Variants in KCNT2 observed in about 807,000 individuals in gnomAD.
KCNT2 encodes potassium channel subfamily T member 2.
Under a neutral mutation model 153.8 loss-of-function variants are expected in KCNT2, and 67 were observed. The observed-to-expected ratio is 0.44, with a 90% confidence interval of 0.36 to 0.53. The LOEUF (loss-of-function observed/expected upper bound fraction) is 0.53, where lower values mean the gene tolerates loss of function less well. KCNT2 is among the 20% of genes least tolerant of loss of function. The pLI is 0.00. For missense variants in KCNT2, 975 were observed against 1,354.8 expected (o/e 0.72, Z 4.40); for synonymous variants, 500 against 458.8 (o/e 1.09, Z -1.15).
At chr1:196,422,242 C>T (rs1171985931) in intron 12 of KCNT2, among the ~76,000 whole-genome samples, 3 of 151,944 alleles carry the variant, frequency 2.0e-5, no homozygotes, top group Admixed American at 6.6e-5. Flanking sequence ...AAGAGTATGC[C>T]TATTAAGTGC....
chr1:196,257,554 T>C, intron 26 of KCNT2: 1 of 921,918 alleles, frequency 1.1e-6, no homozygotes, highest in South Asian at 5.0e-5. Context: ...ATTCATACAC[T>C]GATAAATGAT....
chr1:196,329,366 T>C (rs1258035039), intron 18 of KCNT2, among the ~76,000 whole-genome samples: 1 of 152,154 alleles, frequency 6.6e-6, no homozygotes, highest in Non-Finnish European at 1.5e-5. Flanking sequence ...TTCATTAATA[T>C]GGTAAAGAGA....
chr1:196,602,775 T>C (rs949208261), intron 1 of KCNT2, among the ~76,000 whole-genome samples: 1 of 116,820 alleles, frequency 8.6e-6, no homozygotes, highest in Non-Finnish European at 1.8e-5. Context: ...AGTCTATTTT[T>C]TTTTTTTTTT....
At chr1:196,575,246 C>G (rs1010913256) in intron 1 of KCNT2, among the ~76,000 whole-genome samples, 14 of 152,024 alleles carry the variant, frequency 9.2e-5, no homozygotes, top group African/African-American at 3.4e-4. Flanking sequence ...TTAACTACCC[C>G]CTTTTAAATT....
At chr1:196,419,330 C>A (rs1301241336) in intron 12 of KCNT2, among the ~76,000 whole-genome samples, 2 of 95,230 alleles carry the variant, frequency 2.1e-5, no homozygotes, top group Non-Finnish European at 4.1e-5. Flanking sequence ...TCCCCCCTCC[C>A]CCCTCCCCCC....
chr1:196,515,124 G>A (rs1681944169), intron 1 of KCNT2, among the ~76,000 whole-genome samples: 1 of 152,166 alleles, frequency 6.6e-6, no homozygotes, highest in Non-Finnish European at 1.5e-5. Context: ...GATAATGATG[G>A]AAAAGGACTA....
chr1:196,467,813 G>C (rs759857688), intron 6 of KCNT2, 27 bp from the exon 7 acceptor site: 1 of 1,422,538 alleles, frequency 7.0e-7, no homozygotes, highest in Non-Finnish European at 9.9e-7. Context: ...AACAAAACTA[G>C]ACTTTTATCT....
chr1:196,377,723 A>G (rs1414462102), intron 13 of KCNT2, among the ~76,000 whole-genome samples: 1 of 152,072 alleles, frequency 6.6e-6, no homozygotes, highest in Admixed American at 6.6e-5. Context: ...AATCTAATAA[A>G]AAGTATAAAA....
intron 1 of KCNT2, among the ~76,000 whole-genome samples, chr1:196,585,287 T>C (rs1024708336): frequency 1.3e-5 from 2 of 152,114 alleles, no homozygotes; most frequent in African/African-American, 4.8e-5. Context: ...TCCTGTTCTG[T>C]GTCAAACACT....
At chr1:196,540,664 A>G (rs1408649186) in intron 1 of KCNT2, among the ~76,000 whole-genome samples, 3 of 152,230 alleles carry the variant, frequency 2.0e-5, no homozygotes, top group African/African-American at 4.8e-5. Flanking sequence ...CAGAATCATA[A>G]AAACCTATGT....
At chr1:196,496,896 C>A (rs1680304433) in intron 1 of KCNT2, among the ~76,000 whole-genome samples, 1 of 152,220 alleles carries the variant, frequency 6.6e-6, no homozygotes, top group Non-Finnish European at 1.5e-5. Flanking sequence ...CAGACATGGA[C>A]AGAATGTGCA....
intron 26 of KCNT2, among the ~76,000 whole-genome samples, chr1:196,245,996 T>C (rs1466273559): frequency 6.6e-6 from 1 of 152,070 alleles, no homozygotes; most frequent in African/African-American, 2.4e-5. Flanking sequence ...TACAAGATGA[T>C]AATAGAACAT....
intron 14 of KCNT2, among the ~76,000 whole-genome samples, chr1:196,366,649 C>A (rs968126596): frequency 1.2e-4 from 18 of 152,172 alleles, no homozygotes; most frequent in African/African-American, 4.3e-4. Context: ...ATTAAACCCA[C>A]TGCTACATCC....
At chr1:196,281,079 G>T (rs902650361) in intron 24 of KCNT2, 91 bp from the exon 25 acceptor site, 44 of 986,454 alleles carry the variant, frequency 4.5e-5, no homozygotes, top group East Asian at 2.4e-4. Context: ...TTATTTTTGT[G>T]GGGGGCAGGG....
chr1:196,280,705 GA>G (rs34639651), intron 25 of KCNT2, 154 bp downstream of exon 25: 30 of 668,696 alleles, frequency 4.5e-5, no homozygotes, highest in Non-Finnish European at 6.2e-5. Flanking sequence ...ACAAATAGTT[GA>G]AAAAAAATTT....
At chr1:196,240,488 T>A (rs1231499888) in intron 26 of KCNT2, among the ~76,000 whole-genome samples, 1 of 152,058 alleles carries the variant, frequency 6.6e-6, no homozygotes, top group African/African-American at 2.4e-5. Flanking sequence ...GGTTATGTAT[T>A]ATTATAGTAG....
chr1:196,256,171 G>A (rs1227314064), intron 26 of KCNT2, among the ~76,000 whole-genome samples: 1 of 151,780 alleles, frequency 6.6e-6, no homozygotes, highest in Admixed American at 6.6e-5. Context: ...TGATCATAAA[G>A]CAATAATTTC....
intron 14 of KCNT2, among the ~76,000 whole-genome samples, chr1:196,365,342 C>T (rs564478189): frequency 1.3e-5 from 2 of 149,836 alleles, no homozygotes; most frequent in East Asian, 1.9e-4. Context: ...TAAAAACATA[C>T]ACCTTTTAAG....
chr1:196,553,308 C>T (rs1482706657), intron 1 of KCNT2, among the ~76,000 whole-genome samples: 5 of 151,106 alleles, frequency 3.3e-5, no homozygotes, highest in South Asian at 2.1e-4. Flanking sequence ...AAAAGAAGCT[C>T]ATTACATAAT....
Sources: allele counts gnomAD v4.1 joint callset (sites outside exome capture counted in the v4.1 genomes callset), GRCh38; gene constraint gnomAD v4.1.1; transcripts MANE v1.5; gene names NCBI Gene and HGNC (gene_info 2026-07-23, HGNC 2026-07-21).